The following POU6F2 variants were observed in gnomAD, a reference collection of about 807,000 sequenced individuals.
The protein encoded by POU6F2 is POU domain, class 6, transcription factor 2.
A neutral mutation model predicts 71.3 loss-of-function variants in POU6F2; 31 were observed. The observed-to-expected ratio is 0.43, with a 90% CI of 0.33 to 0.59. The LOEUF is 0.59. POU6F2 is among the 20% of genes least tolerant of loss of function. The probability of loss-of-function intolerance (pLI) is 0.04; values close to 1 mark genes in which losing one functional copy is unlikely to be tolerated. For missense variants in POU6F2, 783 were observed against 856.8 expected, an observed-to-expected ratio of 0.91 and a Z score of 1.07; for synonymous variants, 347 against 355.7, an observed-to-expected ratio of 0.98 and a Z score of 0.27.
intron 4 of POU6F2, among the ~76,000 whole-genome samples, chr7:39,218,306 T>C (rs1232775370): frequency 6.6e-6 from 1 of 152,058 alleles, no homozygotes; most frequent in African/African-American, 2.4e-5. Context: ...GGAACCAAAA[T>C]TCAGAGAATT....
chr7:39,434,095 C>T (rs542699267), intron 7 of POU6F2, among the ~76,000 whole-genome samples: 9 of 152,174 alleles, frequency 5.9e-5, no homozygotes, highest in African/African-American at 2.2e-4. Context: ...CAACTCTGCC[C>T]GGACAGTTTT....
chr7:39,155,269 G>A (rs1424647509), intron 2 of POU6F2, among the ~76,000 whole-genome samples: 1 of 150,780 alleles, frequency 6.6e-6, no homozygotes, highest in Non-Finnish European at 1.5e-5. Flanking sequence ...GGGGGTTGGG[G>A]GGGAGTTCAG....
chr7:39,428,180 G>T (rs962761535), intron 6 of POU6F2, among the ~76,000 whole-genome samples: 4 of 152,128 alleles, frequency 2.6e-5, no homozygotes, highest in African/African-American at 9.7e-5. Flanking sequence ...ATGGAAATGG[G>T]GATCTTTCAA....
intron 1 of POU6F2, among the ~76,000 whole-genome samples, chr7:39,017,519 A>T (rs1789585045): frequency 6.6e-6 from 1 of 152,156 alleles, no homozygotes; most frequent in South Asian, 2.1e-4. Context: ...AGATTACTGT[A>T]TCCCTGGCTG....
chr7:39,360,189 C>T (rs1421311120), intron 5 of POU6F2, among the ~76,000 whole-genome samples: 1 of 152,126 alleles, frequency 6.6e-6, no homozygotes, highest in Admixed American at 6.6e-5. Context: ...TATCTTCCTA[C>T]GGTTAAGGTA....
At chr7:39,062,258 AATATT>A (rs1329381396) in intron 1 of POU6F2, among the ~76,000 whole-genome samples, 1 of 152,178 alleles carries the variant, frequency 6.6e-6, no homozygotes, top group African/African-American at 2.4e-5. Flanking sequence ...TTATTACAAT[AATATT>A]ATATTACCAT....
chr7:39,185,258 C>T (rs896587808), intron 2 of POU6F2, among the ~76,000 whole-genome samples: 1 of 152,096 alleles, frequency 6.6e-6, no homozygotes, highest in African/African-American at 2.4e-5. Context: ...GACAAGAATG[C>T]TCAGTCCAGT....
intron 2 of POU6F2, among the ~76,000 whole-genome samples, chr7:39,204,027 T>C (rs1448787389): frequency 6.6e-6 from 1 of 152,216 alleles, no homozygotes; most frequent in Non-Finnish European, 1.5e-5. Context: ...CTGACTGTGC[T>C]ACATTCCCTG....
At chr7:39,255,906 C>G (rs949251392) in intron 4 of POU6F2, among the ~76,000 whole-genome samples, 1 of 152,200 alleles carries the variant, frequency 6.6e-6, no homozygotes, top group East Asian at 1.9e-4. Flanking sequence ...TTCTGCTTTT[C>G]TAGCCTCTAG....
intron 2 of POU6F2, among the ~76,000 whole-genome samples, chr7:39,089,970 T>C (rs564137933): frequency 2.1e-5 from 3 of 141,468 alleles, no homozygotes; most frequent in African/African-American, 7.9e-5. Context: ...TCAGTTGTAC[T>C]ACATTGTGCA....
At chr7:39,335,126 C>T (rs1264614980) in intron 4 of POU6F2, among the ~76,000 whole-genome samples, 1 of 152,216 alleles carries the variant, frequency 6.6e-6, no homozygotes, top group Non-Finnish European at 1.5e-5. Context: ...TTCTTACCAT[C>T]AAGGTAAACT....
At position 39,220,060 on chromosome 7, in the gene POU6F2, G is replaced by C. The variant is rs946630029; in HGVS notation, c.598+12440G>C. Among the ~76,000 whole-genome samples the C allele has an allele frequency of 2.0e-5, 3 of 152,176 alleles. No individual in the cohort carries two copies. The East Asian group carries it at 5.8e-4, about 29-fold the overall frequency. ...ATTTGATTGATTTGTTTTGACAGCA[G>C]CCAAATAATTGAGAGTGAAAGGTGT... On this transcript the variant is annotated intron_variant, in intron 4 of 9. Coordinates refer to ENST00000518318, the MANE Select transcript of POU6F2 (RefSeq NM_001370959.1).
In POU6F2 at chr7:39,438,465, A is replaced by G. The variant is rs142087260; in HGVS notation, c.1320+5182A>G. Among the ~76,000 whole-genome samples the G allele has an allele frequency of 7.0e-3, 1,069 of 152,332 alleles. 19 individuals carry two copies. Among genetic ancestry groups the G allele is most frequent in the East Asian group, 0.06 (310 of 5,172 alleles). On this transcript the variant is annotated intron_variant, in intron 7 of 9. Transcript: ENST00000518318. ...TAATCATTTGGGTATATACCCAGTA[A>G]TGGGATGGCTGGGCTGAAATGCAAA...
chr7:39,383,600 A>G (rs1345581830), intron 5 of POU6F2, among the ~76,000 whole-genome samples: 6 of 152,326 alleles, frequency 3.9e-5, no homozygotes, highest in Admixed American at 3.3e-4. Context: ...CACTGAGTTC[A>G]TATCACTCAG....
chr7:39,460,047 C>T lies in POU6F2; in HGVS notation c.1490-500C>T, dbSNP rs916718783. ...ATTAGGCAACATTATCATCTGTTAG[C>T]CTAGCTGTTAGCCTGACTGCTTTGG... is the stretch of plus-strand genomic sequence containing the variant. On this transcript the variant is annotated intron_variant, in intron 8 of 9. Coordinates refer to ENST00000518318, the MANE Select transcript of POU6F2 (RefSeq NM_001370959.1). The surrounding 1 kb of genome is among the most constrained non-coding windows in gnomAD (Gnocchi z 4.4). 8.5e-5 allele frequency among the ~76,000 whole-genome samples: 13 copies of T among 152,142 alleles called. No homozygotes were observed. Among genetic ancestry groups the T allele is most frequent in the African/African-American group, 3.1e-4 (13 of 41,424 alleles).
chr7:39,358,999 C>G (rs1786321539), intron 5 of POU6F2, among the ~76,000 whole-genome samples: 1 of 151,954 alleles, frequency 6.6e-6, no homozygotes, highest in South Asian at 2.1e-4. Context: ...CAGGCCAAAA[C>G]CTTACTGCAT....
chr7:39,346,086 A>T (rs1460396349), intron 5 of POU6F2, among the ~76,000 whole-genome samples: 2 of 152,232 alleles, frequency 1.3e-5, no homozygotes, highest in Non-Finnish European at 2.9e-5. Flanking sequence ...TTTATGAAAG[A>T]AAGAAAATCT....
chr7:39,426,354 C>A (rs1020592349), intron 6 of POU6F2, among the ~76,000 whole-genome samples: 4 of 152,098 alleles, frequency 2.6e-5, no homozygotes, highest in African/African-American at 7.2e-5. Flanking sequence ...CTGCTCAGAG[C>A]TTGGTTTTCT....
intron 2 of POU6F2, among the ~76,000 whole-genome samples, chr7:39,130,780 G>A (rs776180071): frequency 1.3e-4 from 20 of 152,110 alleles, no homozygotes; most frequent in Non-Finnish European, 2.4e-4. Context: ...AGTAGAGTCT[G>A]GGTGGAATTG....
Sources: gnomAD v4.1 joint callset for allele counts (sites outside exome capture counted in the v4.1 genomes callset) on GRCh38, gnomAD v4.1.1 for gene constraint, Gnocchi (gnomAD v3.1) non-coding constraint, MANE v1.5 for transcripts, NCBI Gene and HGNC (gene_info 2026-07-23, HGNC 2026-07-21) for gene names.